Variants in WDR70 observed in about 807,000 individuals in gnomAD.
The protein encoded by WDR70 is WD repeat-containing protein 70.
WDR70 carries 53 observed loss-of-function variants against 88.6 expected under a neutral mutation model. The ratio of observed to expected loss-of-function variants is 0.60; its 90% CI spans 0.48 to 0.75. The LOEUF is 0.75. Among genes scored for constraint, WDR70 ranks in the 30% least tolerant of loss-of-function variants. The pLI, the probability that WDR70 is intolerant of heterozygous loss-of-function variation, is 0.00. For missense variants in WDR70, 610 were observed against 823.2 expected (o/e 0.74, Z 3.17); for synonymous variants, 280 against 270.0 (o/e 1.04, Z -0.36).
intron 5 of WDR70, among the ~76,000 whole-genome samples, chr5:37,421,894 C>T (rs1749957179): frequency 6.6e-6 from 1 of 151,256 alleles, no homozygotes; most frequent in East Asian, 1.9e-4. Context: ...TGAAATTCTC[C>T]CTCTCTCTTG....
At chr5:37,450,411 G>A (rs1035870827) in intron 7 of WDR70, among the ~76,000 whole-genome samples, 2 of 152,104 alleles carry the variant, frequency 1.3e-5, no homozygotes, top group African/African-American at 2.4e-5. Context: ...ACTAACCTAT[G>A]TATATAGTAT....
At chr5:37,637,806 C>T (rs1203550240) in intron 10 of WDR70, among the ~76,000 whole-genome samples, 5 of 152,172 alleles carry the variant, frequency 3.3e-5, no homozygotes, top group African/African-American at 1.2e-4. Flanking sequence ...TTCCTGGCCT[C>T]TTTGTATTAT....
At chr5:37,416,059 C>A (rs1274070129) in intron 5 of WDR70, among the ~76,000 whole-genome samples, 4 of 148,760 alleles carry the variant, frequency 2.7e-5, no homozygotes, top group African/African-American at 9.9e-5. Context: ...TCCTCACATC[C>A]CAGACGATGG....
chr5:37,554,254 G>A (rs1025207223), intron 9 of WDR70, among the ~76,000 whole-genome samples: 1 of 152,036 alleles, frequency 6.6e-6, no homozygotes, highest in African/African-American at 2.4e-5. Flanking sequence ...TAAAGAACTG[G>A]CTGGCTTTAT....
rs556672537 is a variant in WDR70, at chr5:37,414,357, G to T, written c.492+17787G>T. Among the ~76,000 whole-genome samples the T allele has an allele frequency of 2.0e-5, 3 of 152,056 alleles. No individual in the cohort carries two copies. The South Asian group carries it at 6.2e-4, about 32-fold the overall frequency. The stretch of plus-strand genomic sequence containing the variant: ...AGACCTCTATTCTTATTCCCGCATG[G>T]AAACTTTCTATTTACTCTTTCTTCC... On this transcript the variant is annotated intron_variant, in intron 5 of 17. Coordinates refer to ENST00000265107, the MANE Select transcript of WDR70 (RefSeq NM_018034.4).
chr5:37,497,801 TTTTTTTGTTTTG>T (rs1444672147), intron 8 of WDR70, among the ~76,000 whole-genome samples: 8 of 152,164 alleles, frequency 5.3e-5, no homozygotes, highest in Middle Eastern at 3.4e-3. Context: ...TGCACAGATT[TTTTTTTGTTTTG>T]TTTTTTGTTT....
At chr5:37,719,359 CA>C (rs11444230) in intron 13 of WDR70, among the ~76,000 whole-genome samples, 1 of 147,840 alleles carries the variant, frequency 6.8e-6, no homozygotes, top group East Asian at 2.0e-4. Flanking sequence ...ACCCCCCCCC[CA>C]AAAAATACCC....
In WDR70 at chr5:37,672,406, G is replaced by A. The variant is rs185943431; in HGVS notation, c.1093-25249G>A. ...CCGTCTCCTGCATGTCCCTGGGAAC[G>A]AATGTCTAGGTGTAAAACCCGCTCG... On this transcript the variant is annotated intron_variant, in intron 10 of 17. Coordinates refer to ENST00000265107, the MANE Select transcript of WDR70 (RefSeq NM_018034.4). Among the ~76,000 whole-genome samples the A allele has an allele frequency of 2.3e-3, 347 of 152,192 alleles. 2 individuals are homozygous for A. Among genetic ancestry groups the A allele is most frequent in the African/African-American group, 8.1e-3 (336 of 41,518 alleles).
intron 10 of WDR70, among the ~76,000 whole-genome samples, chr5:37,683,218 A>G (rs1057396118): frequency 6.6e-6 from 1 of 151,624 alleles, no homozygotes; most frequent in Non-Finnish European, 1.5e-5. Flanking sequence ...TTTATCTTGA[A>G]CCTGTGGCTG....
chr5:37,713,108 G>C (rs1747562576), intron 13 of WDR70, among the ~76,000 whole-genome samples: 1 of 152,152 alleles, frequency 6.6e-6, no homozygotes, highest in Non-Finnish European at 1.5e-5. Flanking sequence ...AACGTTTACT[G>C]TAGGAATCCA....
chr5:37,516,026 C>T (rs1740876203), intron 8 of WDR70, among the ~76,000 whole-genome samples: 1 of 152,196 alleles, frequency 6.6e-6, no homozygotes, highest in Admixed American at 6.5e-5. Context: ...CTTATTTTTA[C>T]AGAGGCATTG....
chr5:37,665,952 T>G (rs1308207721), intron 10 of WDR70, among the ~76,000 whole-genome samples: 1 of 152,158 alleles, frequency 6.6e-6, no homozygotes, highest in Non-Finnish European at 1.5e-5. Context: ...ATCCGTCACT[T>G]GAACTGGCTG....
chr5:37,496,589 G>A lies in WDR70; in HGVS notation c.840+16602G>A, dbSNP rs149960596. Among the ~76,000 whole-genome samples the A allele has an allele frequency of 1.3e-3, 202 of 152,324 alleles. 2 individuals are homozygous for A. The highest frequency in any genetic ancestry group is 4.6e-3 in the African/African-American group (192 of 41,578). ...GGACTCACTAATGTCTTCTGCAATA[G>A]GGGTAGTTTTCTTTTATTAAAAAGT... On this transcript the variant is annotated intron_variant, in intron 8 of 17. Transcript: ENST00000265107.
intron 9 of WDR70, among the ~76,000 whole-genome samples, chr5:37,542,270 T>C (rs1488941648): frequency 4.6e-5 from 7 of 151,068 alleles, no homozygotes; most frequent in Non-Finnish European, 8.8e-5. Context: ...AGTTTTTTCT[T>C]CTTCTTCTTC....
intron 10 of WDR70, among the ~76,000 whole-genome samples, chr5:37,642,074 G>C (rs1178260585): frequency 6.6e-6 from 1 of 152,112 alleles, no homozygotes; most frequent in Non-Finnish European, 1.5e-5. Context: ...CTTAGAGTGG[G>C]TATCCTTTAA....
intron 8 of WDR70, among the ~76,000 whole-genome samples, chr5:37,486,896 T>C (rs986162055): frequency 2.0e-5 from 3 of 152,064 alleles, no homozygotes; most frequent in Non-Finnish European, 4.4e-5. Flanking sequence ...TTGCAAAAAT[T>C]TCTCCCATTC....
At chr5:37,745,344 G>A (rs969425274) in intron 17 of WDR70, among the ~76,000 whole-genome samples, 1 of 150,826 alleles carries the variant, frequency 6.6e-6, no homozygotes, top group African/African-American at 2.4e-5. Context: ...AAAAACCACT[G>A]ACACTACGAA....
rs778777531 is a variant in WDR70 at position 37,607,948 on chromosome 5, GA to G, written c.1092+2711del. 1.0e-3 allele frequency among the ~76,000 whole-genome samples: 153 copies of G among 152,102 alleles called. 2 individuals carry two copies. The highest frequency in any genetic ancestry group is 1.5e-3 in the Non-Finnish European group (102 of 67,980). ...ATTGCCTTGTTGGCATGATGTGAGA[GA>G]GGGGGAAAGAATAGTGGGAGATGAC... On this transcript the variant is annotated intron_variant, in intron 10 of 17. Transcript: ENST00000265107.
intron 10 of WDR70, among the ~76,000 whole-genome samples, chr5:37,649,105 G>A (rs1422666409): frequency 6.6e-6 from 1 of 152,140 alleles, no homozygotes; most frequent in African/African-American, 2.4e-5. Flanking sequence ...GTGTACACTA[G>A]AAAAGATTCA....
Sources: allele counts gnomAD v4.1 joint callset (sites outside exome capture counted in the v4.1 genomes callset), GRCh38; gene constraint gnomAD v4.1.1; transcripts MANE v1.5; gene names NCBI Gene and HGNC (gene_info 2026-07-23, HGNC 2026-07-21).